Variants in ZNF444 observed in about 807,000 individuals in gnomAD.
ZNF444 encodes the protein zinc finger protein 444.
A neutral mutation model predicts 14.4 loss-of-function variants in ZNF444; 8 were observed. That is an observed-to-expected ratio of 0.56 (90% CI 0.33 to 1.00). The LOEUF (loss-of-function observed/expected upper bound fraction) is 1.00, where lower values mean the gene tolerates loss of function less well. Among genes scored for constraint, ZNF444 ranks in the 50% least tolerant of loss-of-function variants. The pLI, the probability that ZNF444 is intolerant of heterozygous loss-of-function variation, is 0.03. For synonymous variants in ZNF444, 258 were observed against 235.9 expected (o/e 1.09, Z -0.86); for missense variants, 510 against 504.8 (o/e 1.01, Z -0.10).
intron 3 of ZNF444, 143 bp from the exon 4 acceptor site, chr19:56,158,351 G>T: frequency 1.3e-6 from 1 of 750,898 alleles, no homozygotes. Flanking sequence ...CCTCTCTGTG[G>T]GGCAGCTTCA....
chr19:56,143,388 A>G (rs1180069215), intron 1 of ZNF444: 1 of 152,258 alleles, frequency 6.6e-6, no homozygotes, highest in East Asian at 1.9e-4. Flanking sequence ...CCTTAGTCCC[A>G]GAGGGATCTT....
Position 56,147,812 on chromosome 19 carries a change from C to T in ZNF444, c.297+604C>T, listed in dbSNP as rs1396780281. Among the ~76,000 whole-genome samples the T allele has an allele frequency of 6.6e-6, 1 of 152,148 alleles. No homozygotes were observed. The highest frequency in any genetic ancestry group is 1.5e-5 in the Non-Finnish European group (1 of 68,022). Reference sequence around the variant, plus strand: ...CTCCAAGGGCTCAGAGATGACTTCCCAGGGGCAGAGGGCAAAGCCAGGCCT... The same window carrying T: ...CTCCAAGGGCTCAGAGATGACTTCCTAGGGGCAGAGGGCAAAGCCAGGCCT... On this transcript the variant is annotated intron_variant, in intron 3 of 4. Coordinates refer to ENST00000337080, the MANE Select transcript of ZNF444 (RefSeq NM_018337.4). The surrounding 1 kb of genome is among the most constrained non-coding windows in gnomAD (Gnocchi z 5.9).
Position 56,147,434 on chromosome 19 carries a change from T to TA in ZNF444, c.297+226_297+227insA, listed in dbSNP as rs2031266716. The stretch of plus-strand genomic sequence containing the variant: ...GAGGGCCCCAAGACCCTGGCATACT[T>TA]GCGAGTTCTCTAGGACTCACAGCCG... On this transcript the variant is annotated intron_variant, in intron 3 of 4. Transcript: ENST00000337080. The surrounding 1 kb of genome is among the most constrained non-coding windows in gnomAD (Gnocchi z 5.9). Among the ~76,000 whole-genome samples the TA allele has an allele frequency of 6.6e-6, 1 of 152,090 alleles. No homozygotes were observed. The highest frequency in any genetic ancestry group is 6.5e-5 in the Admixed American group (1 of 15,286).
chr19:56,141,257 G>C (rs1277842938), upstream of ZNF444: 1 of 131,684 alleles, frequency 7.6e-6, no homozygotes, highest in Non-Finnish European at 1.6e-5. Context: ...GGGGACGGGG[G>C]AGTTTGGCGC....
At chr19:56,146,711 C>T (rs2031205389) in intron 2 of ZNF444, among the ~76,000 whole-genome samples, 179 bp from the exon 3 acceptor site, 1 of 152,208 alleles carries the variant, frequency 6.6e-6, no homozygotes, top group Non-Finnish European at 1.5e-5. Flanking sequence ...ATCGCCTGAA[C>T]CCGGGAGCTG....
At chr19:56,150,115 C>T (rs188014282) in intron 3 of ZNF444, 67 of 166,224 alleles carry the variant, frequency 4.0e-4, no homozygotes, top group Middle Eastern at 2.0e-3. Flanking sequence ...TTCGCCCTTT[C>T]CAGTTTCCAT....
chr19:56,143,164 A>G (rs1300326217), intron 1 of ZNF444, among the ~76,000 whole-genome samples: 4 of 152,202 alleles, frequency 2.6e-5, no homozygotes, highest in African/African-American at 4.8e-5. Flanking sequence ...GTGGATTGAC[A>G]TGGTGGAAGG....
intron 1 of ZNF444, among the ~76,000 whole-genome samples, chr19:56,142,050 AC>A (rs2123464026): frequency 6.6e-6 from 1 of 151,512 alleles, no homozygotes; most frequent in African/African-American, 2.4e-5. Context: ...AATGAAGTTG[AC>A]CCCCGCCACC....
At chr19:56,139,133 A>C (rs771324280), upstream of ZNF444, among the ~76,000 whole-genome samples, 2 of 152,044 alleles carry the variant, frequency 1.3e-5, no homozygotes, top group Non-Finnish European at 2.9e-5. Context: ...TGTACCTTAA[A>C]AATGATTAAG....
At position 56,159,702 on chromosome 19, in the gene ZNF444, GC is replaced by G; in HGVS notation, c.491del (p.Pro164ArgfsTer10). 3 of 1,547,546 alleles carry G rather than the reference GC, an allele frequency of 1.9e-6. No individual in the cohort carries two copies. Among genetic ancestry groups the G allele is most frequent in the South Asian group, 1.2e-5 (1 of 84,530 alleles). On this transcript the variant is annotated frameshift_variant, in exon 5 of 5. Transcript: ENST00000337080. LOFTEE classifies it low-confidence loss of function (END_TRUNC). Reference protein sequence around the residue: ...AVRPYKQEPSSPPLAPGLPAF... With the variant: ...AVRPYKQEPSXPPLAPGLPAF... The stretch of plus-strand genomic sequence containing the variant: ...CGCCCCTACAAGCAGGAGCCCAGCA[GC>G]CCCCCGCTGGCGCCTGGCCTGCCCG...
chr19:56,149,775 G>A (rs1487699228), intron 3 of ZNF444: 1 of 152,308 alleles, frequency 6.6e-6, no homozygotes, highest in African/African-American at 2.4e-5. Context: ...CAAGGATGAT[G>A]GCGTCCAGTT....
At position 56,160,094 on chromosome 19, in the gene ZNF444, G is replaced by C. The variant is rs1448079851; in HGVS notation, c.877G>C (p.Val293Leu). ...CGKGFGRREH[V>L]LRHQRIHGRA... ...CAAGGGCTTCGGGCGCCGCGAGCACGTGCTGCGCCACCAGCGCATCCACGG... is the reference window on the plus strand; with the variant it reads ...CAAGGGCTTCGGGCGCCGCGAGCACCTGCTGCGCCACCAGCGCATCCACGG... Residue 293 changes from valine to leucine, a missense_variant, in exon 5 of 5, where the codon GTG (valine) becomes CTG (leucine). Physicochemically the swap from Val to Leu is conservative, Grantham distance 32. Coordinates refer to ENST00000337080, the MANE Select transcript of ZNF444 (RefSeq NM_018337.4). 5 of 1,498,540 alleles carry C rather than the reference G, an allele frequency of 3.3e-6. No homozygotes were observed. The highest frequency in any genetic ancestry group is 4.4e-6 in the Non-Finnish European group (5 of 1,129,680). The allele number at this position is 1,498,540 out of a possible 1,614,324, so 92.8% of individuals were successfully genotyped here. A position where few individuals can be genotyped will look rare whatever the true frequency, so the allele number is the denominator to read the frequency against.
In ZNF444 at chr19:56,160,502, C is replaced by T. The variant is rs953389298; in HGVS notation, c.*301C>T. 58 of 372,250 alleles carry T rather than the reference C, an allele frequency of 1.6e-4. No individual in the cohort carries two copies. The highest frequency in any genetic ancestry group is 6.7e-5 in the Non-Finnish European group (14 of 208,110). The allele number at this position is 372,250 out of a possible 1,614,324, so 23.1% of individuals were successfully genotyped here. The stretch of plus-strand genomic sequence containing the variant: ...TCCTCCTTCCCCCCTCTTCTCTCTC[C>T]TGCGGCCCAGCCTCCCTCTCCCTCC... On this transcript the variant is annotated 3_prime_UTR_variant, in exon 5 of 5. Transcript: ENST00000337080.
chr19:56,142,442 A>C (rs2030889575), intron 1 of ZNF444: 1 of 152,114 alleles, frequency 6.6e-6, no homozygotes, highest in Non-Finnish European at 1.5e-5. Context: ...TTTGTCCCCC[A>C]GGGGACATGT....
chr19:56,160,300 T>A lies in ZNF444; in HGVS notation c.*99T>A. The A allele has an allele frequency of 1.0e-6, 1 of 966,334 alleles. No individual in the cohort carries two copies. Among genetic ancestry groups the A allele is most frequent in the Non-Finnish European group, 1.4e-6 (1 of 705,352 alleles). 59.9% of individuals were successfully genotyped at this position (966,334 alleles called of 1,614,324 possible). On this transcript the variant is annotated 3_prime_UTR_variant, in exon 5 of 5. Coordinates refer to ENST00000337080, the MANE Select transcript of ZNF444 (RefSeq NM_018337.4). ...TTGGCCTCTTCCTCTCCTCCTTCCC[T>A]CCCATCGTCCTCCTCCACCTGCGCC...
At chr19:56,146,462 C>G (rs966937873) in intron 2 of ZNF444, 42 bp downstream of exon 2, 1 of 155,128 alleles carries the variant, frequency 6.4e-6, no homozygotes, top group African/African-American at 2.4e-5. Flanking sequence ...GCACAGAGGC[C>G]GGGCCTATCC....
rs142569642 is a variant in ZNF444 at position 56,153,487 on chromosome 19, C to T, written c.298-5007C>T. Among the ~76,000 whole-genome samples the T allele has an allele frequency of 1.6e-4, 24 of 152,252 alleles. No individual in the cohort carries two copies. The Middle Eastern group carries it at 0.01, about 65-fold the overall frequency. On this transcript the variant is annotated intron_variant, in intron 3 of 4. Transcript: ENST00000337080. ...TCCTGCTGTGGAGGGAATGGCTAACCGTTCCCAGCCTCCTCTTGTCCTGCT... is the reference window on the plus strand; with the variant it reads ...TCCTGCTGTGGAGGGAATGGCTAACTGTTCCCAGCCTCCTCTTGTCCTGCT...
At chr19:56,149,297 G>A (rs569368438) in intron 3 of ZNF444, among the ~76,000 whole-genome samples, 2 of 95,376 alleles carry the variant, frequency 2.1e-5, no homozygotes, top group South Asian at 8.1e-4. Context: ...TCACTCCTCC[G>A]ACCTTGACCT....
At chr19:56,136,802 A>C (rs571495888), upstream of ZNF444, among the ~76,000 whole-genome samples, 4 of 151,934 alleles carry the variant, frequency 2.6e-5, no homozygotes, top group Admixed American at 2.6e-4. Flanking sequence ...CTTTTTTTAG[A>C]CGGAGTTTCA....
Sources: allele counts gnomAD v4.1 joint callset (sites outside exome capture counted in the v4.1 genomes callset), GRCh38; gene constraint gnomAD v4.1.1; non-coding constraint Gnocchi (gnomAD v3.1); transcripts MANE v1.5; gene names NCBI Gene and HGNC (gene_info 2026-07-23, HGNC 2026-07-21).